Variants in DLGAP2 observed in about 807,000 individuals in gnomAD.
DLGAP2 encodes the protein DLG associated protein 2.
Under a neutral mutation model 100.3 loss-of-function variants are expected in DLGAP2, and 26 were observed. The observed-to-expected ratio is 0.26, with a 90% confidence interval of 0.19 to 0.36. The LOEUF is 0.36. DLGAP2 is among the 10% of genes least tolerant of loss of function. The probability of loss-of-function intolerance (pLI) is 1.00; values close to 1 mark genes in which losing one functional copy is unlikely to be tolerated. For missense variants in DLGAP2, 1,858 were observed against 1,453.2 expected (o/e 1.28, Z -4.53); for synonymous variants, 886 against 630.1 (o/e 1.41, Z -6.08).
chr8:811,954 G>A (rs971251784), intron 1 of DLGAP2, among the ~76,000 whole-genome samples: 4 of 152,206 alleles, frequency 2.6e-5, no homozygotes, highest in Non-Finnish European at 4.4e-5. Context: ...TTGACTCTCC[G>A]TCAAACACGA....
At chr8:1,166,853 C>G (rs1265552272) in intron 2 of DLGAP2, among the ~76,000 whole-genome samples, 1 of 151,988 alleles carries the variant, frequency 6.6e-6, no homozygotes, top group African/African-American at 2.4e-5. Flanking sequence ...AATGATAATA[C>G]TATATTTAAG....
At chr8:898,129 A>G (rs1798181596) in intron 1 of DLGAP2, among the ~76,000 whole-genome samples, 1 of 152,236 alleles carries the variant, frequency 6.6e-6, no homozygotes, top group African/African-American at 2.4e-5. Flanking sequence ...AGTGGGCAGT[A>G]AACCGTACAG....
intron 4 of DLGAP2, among the ~76,000 whole-genome samples, chr8:1,537,728 T>TGGAAGGAAGGAAGGAA (rs10523091): frequency 1.5e-3 from 204 of 136,656 alleles, no homozygotes; most frequent in Non-Finnish European, 2.1e-3. Context: ...GATGAAAGGA[T>TGGAAGGAAGGAAGGAA]GGAAGGAAGG....
rs1246263164 is a variant in DLGAP2 at position 1,707,938 on chromosome 8, T to C, written c.*6532T>C. On this transcript the variant is annotated 3_prime_UTR_variant, in exon 15 of 15. Coordinates refer to ENST00000637795, the MANE Select transcript of DLGAP2 (RefSeq NM_001346810.2). ...GGTTCTTTTGATAAATTCTATTTAG[T>C]AGCATGCAGGATACCTAATCTGAAT... 2.0e-5 allele frequency: 3 copies of C among 152,658 alleles called. No homozygotes were observed. The highest frequency in any genetic ancestry group is 2.0e-4 in the Admixed American group (3 of 15,278). 9.5% of individuals were successfully genotyped at this position (152,658 alleles called of 1,614,324 possible).
In DLGAP2 at chr8:1,470,236, G is replaced by A. The variant is rs557818539; in HGVS notation, c.107-31130G>A. Among the ~76,000 whole-genome samples the A allele has an allele frequency of 2.6e-4, 39 of 152,190 alleles. No individual in the cohort carries two copies. The South Asian group carries it at 3.7e-3, about 15-fold the overall frequency. On this transcript the variant is annotated intron_variant, in intron 3 of 14. Coordinates refer to ENST00000637795, the MANE Select transcript of DLGAP2 (RefSeq NM_001346810.2). ...CATGGATGCTTCACTCCGCTGTCTC[G>A]CTGGACGTCTACACTGTCGCCTGTG...
At chr8:1,142,137 A>G (rs1796532235) in intron 2 of DLGAP2, among the ~76,000 whole-genome samples, 1 of 152,144 alleles carries the variant, frequency 6.6e-6, no homozygotes, top group Non-Finnish European at 1.5e-5. Context: ...ATCTTTGGAA[A>G]GTAAATTTGC....
At chr8:1,031,336 G>A (rs1391316534) in intron 2 of DLGAP2, among the ~76,000 whole-genome samples, 1 of 152,142 alleles carries the variant, frequency 6.6e-6, no homozygotes, top group Non-Finnish European at 1.5e-5. Context: ...CTAGAAGCAT[G>A]TTAGTTACAG....
intron 1 of DLGAP2, among the ~76,000 whole-genome samples, chr8:854,166 A>G (rs1306485677): frequency 6.6e-6 from 1 of 152,174 alleles, no homozygotes; most frequent in East Asian, 1.9e-4. Flanking sequence ...TCTAGCAGCC[A>G]CATAGACTAA....
At chr8:1,416,596 C>G (rs1796891821) in intron 3 of DLGAP2, among the ~76,000 whole-genome samples, 1 of 152,148 alleles carries the variant, frequency 6.6e-6, no homozygotes, top group Non-Finnish European at 1.5e-5. Flanking sequence ...GAAAACTTAC[C>G]ATGAAAACGA....
Position 1,477,169 on chromosome 8 carries a change from G to A in DLGAP2, c.107-24197G>A, listed in dbSNP as rs113350579. Among the ~76,000 whole-genome samples, 98 of 152,330 alleles carry A rather than the reference G, an allele frequency of 6.4e-4. 1 individual carries two copies. Among genetic ancestry groups the A allele is most frequent in the African/African-American group, 2.3e-3 (95 of 41,574 alleles). On this transcript the variant is annotated intron_variant, in intron 3 of 14. Coordinates refer to ENST00000637795, the MANE Select transcript of DLGAP2 (RefSeq NM_001346810.2). ...GAATGTCACCAGCTGGCTGTCAGAT[G>A]GGAGAGGAAGTTGCGGGGGTGGATG...
rs1351920510 is a variant in DLGAP2, at chr8:1,462,494, G to A, written c.107-38872G>A. ...GGTGGCATTTGGGTTGGGAGAAGGT[G>A]CTGCTGTCACGTGGGCTGGGTGCAG... On this transcript the variant is annotated intron_variant, in intron 3 of 14. Transcript: ENST00000637795. Among the ~76,000 whole-genome samples the A allele has an allele frequency of 1.8e-5, 2 of 109,778 alleles. 1 individual carries two copies. The highest frequency in any genetic ancestry group is 6.3e-5 in the African/African-American group (2 of 31,766). The allele number at this position is 109,778 out of a possible 152,430, so 72.0% of individuals were successfully genotyped here.
At chr8:1,072,997 C>G (rs1360357058) in intron 2 of DLGAP2, among the ~76,000 whole-genome samples, 1 of 152,166 alleles carries the variant, frequency 6.6e-6, no homozygotes. Flanking sequence ...GACTAATTAT[C>G]ACTCCCCATT....
rs150428917 is a variant in DLGAP2, at chr8:1,470,078, C to G, written c.107-31288C>G. Among the ~76,000 whole-genome samples, 712 of 152,184 alleles carry G rather than the reference C, an allele frequency of 4.7e-3. 2 individuals are homozygous for G. The highest frequency in any genetic ancestry group is 8.3e-3 in the Non-Finnish European group (562 of 68,002). ...TCATGAGGTTGAGGCAGGAGGATCA[C>G]TTGAGCCCAGGAGGTCAAGGCTGCA... On this transcript the variant is annotated intron_variant, in intron 3 of 14. Coordinates refer to ENST00000637795, the MANE Select transcript of DLGAP2 (RefSeq NM_001346810.2).
At chr8:1,449,149 G>T (rs922200459) in intron 3 of DLGAP2, among the ~76,000 whole-genome samples, 1 of 152,196 alleles carries the variant, frequency 6.6e-6, no homozygotes. Context: ...ATCTTCCCCT[G>T]ATGGGGAAAG....
At chr8:1,511,066 C>T (rs6983092) in intron 4 of DLGAP2, among the ~76,000 whole-genome samples, 22,131 of 152,298 alleles carry the variant, frequency 0.15, 1,772 homozygotes, top group Non-Finnish European at 0.16. Flanking sequence ...TGAAACCTTT[C>T]TTATAATACA....
chr8:1,115,280 A>G (rs1805082016), intron 2 of DLGAP2, among the ~76,000 whole-genome samples: 1 of 152,218 alleles, frequency 6.6e-6, no homozygotes, highest in East Asian at 1.9e-4. Flanking sequence ...TAACACTGTC[A>G]GTGGAATGTT....
chr8:1,114,624 A>G (rs1805060591), intron 2 of DLGAP2, among the ~76,000 whole-genome samples: 1 of 149,852 alleles, frequency 6.7e-6, no homozygotes, highest in African/African-American at 2.5e-5. Context: ...AGCCTATCTT[A>G]CTAATTTTTT....
At chr8:1,649,036 G>A (rs553844139) in intron 8 of DLGAP2, among the ~76,000 whole-genome samples, 9 of 152,104 alleles carry the variant, frequency 5.9e-5, no homozygotes, top group Admixed American at 2.6e-4. Flanking sequence ...GGAGAGGTCC[G>A]GAGGGGCCCA....
intron 3 of DLGAP2, among the ~76,000 whole-genome samples, chr8:1,267,636 GGTC>G (rs1563052155): frequency 0.028 from 585 of 20,680 alleles, 68 homozygotes; most frequent in African/African-American, 0.099. Context: ...ATATTAAATA[GGTC>G]TACAAAAAGG....
Sources: allele counts gnomAD v4.1 joint callset (sites outside exome capture counted in the v4.1 genomes callset), GRCh38; gene constraint gnomAD v4.1.1; transcripts MANE v1.5; gene names NCBI Gene and HGNC (gene_info 2026-07-23, HGNC 2026-07-21).